Variants in GPC5 observed in about 807,000 individuals in gnomAD.
GPC5 encodes glypican-5.
A neutral mutation model predicts 53.9 loss-of-function variants in GPC5; 47 were observed. The ratio of observed to expected loss-of-function variants is 0.87; its 90% CI spans 0.69 to 1.11. The LOEUF is 1.11. Among genes scored for constraint, GPC5 ranks in the 50% most tolerant of loss-of-function variants. The pLI is 0.00. For synonymous variants in GPC5, 286 were observed against 263.3 expected (o/e 1.09, Z -0.84); for missense variants, 748 against 713.1 (o/e 1.05, Z -0.56).
At position 92,282,886 on chromosome 13, in the gene GPC5, A is replaced by G. The variant is rs1001167987; in HGVS notation, c.1561+137897A>G. Among the ~76,000 whole-genome samples the G allele has an allele frequency of 1.1e-4, 17 of 152,340 alleles. No homozygotes were observed. The East Asian group carries it at 1.5e-3, about 14-fold the overall frequency. ...CATAATGACAGGATCAAATTCACAC[A>G]TAACAATATTAACCTCAAATGTAAA... On this transcript the variant is annotated intron_variant, in intron 7 of 7. Transcript: ENST00000377067.
chr13:91,938,375 CT>C (rs1223137719), intron 6 of GPC5, among the ~76,000 whole-genome samples: 1 of 152,136 alleles, frequency 6.6e-6, no homozygotes, highest in East Asian at 1.9e-4. Flanking sequence ...TGAGAACTCA[CT>C]CATTACCACA....
chr13:92,791,434 C>T (rs1273817121), intron 7 of GPC5, among the ~76,000 whole-genome samples: 7 of 103,136 alleles, frequency 6.8e-5, no homozygotes, highest in South Asian at 3.2e-4. Context: ...TGGGGGGGGG[C>T]GGGGGAGTGG....
At chr13:92,546,632 A>G (rs1882125103) in intron 7 of GPC5, among the ~76,000 whole-genome samples, 1 of 152,162 alleles carries the variant, frequency 6.6e-6, no homozygotes, top group South Asian at 2.1e-4. Context: ...CCATCAAATT[A>G]CCAATGACTT....
At chr13:92,622,641 T>C (rs1884912561) in intron 7 of GPC5, among the ~76,000 whole-genome samples, 1 of 152,034 alleles carries the variant, frequency 6.6e-6, no homozygotes, top group Admixed American at 6.6e-5. Context: ...TCAGCTCCAC[T>C]GTAGTCTTGA....
intron 5 of GPC5, among the ~76,000 whole-genome samples, chr13:91,787,520 T>A (rs1476232614): frequency 6.6e-6 from 1 of 152,180 alleles, no homozygotes; most frequent in African/African-American, 2.4e-5. Flanking sequence ...CACCACTTGA[T>A]TTTGATATCA....
intron 7 of GPC5, among the ~76,000 whole-genome samples, chr13:92,511,975 G>T (rs961652955): frequency 2.0e-5 from 3 of 151,974 alleles, no homozygotes; most frequent in Non-Finnish European, 4.4e-5. Context: ...GTGAAGTTCT[G>T]GGTGTCCCGA....
At chr13:91,648,766 G>A (rs1438790450) in intron 2 of GPC5, among the ~76,000 whole-genome samples, 1 of 152,060 alleles carries the variant, frequency 6.6e-6, no homozygotes, top group Non-Finnish European at 1.5e-5. Context: ...TAAATTTATT[G>A]AGCATCTTTC....
intron 7 of GPC5, among the ~76,000 whole-genome samples, chr13:92,708,130 T>G (rs1445430974): frequency 6.6e-6 from 1 of 152,156 alleles, no homozygotes; most frequent in Non-Finnish European, 1.5e-5. Flanking sequence ...AGAAACATAT[T>G]CTCATGGTTG....
chr13:91,765,300 C>T (rs1056930209), intron 5 of GPC5, among the ~76,000 whole-genome samples: 1 of 152,242 alleles, frequency 6.6e-6, no homozygotes, highest in African/African-American at 2.4e-5. Flanking sequence ...AACAAGTTCC[C>T]TGCTTTGTTC....
chr13:91,510,804 C>T (rs1594188265), intron 2 of GPC5, among the ~76,000 whole-genome samples: 1 of 151,824 alleles, frequency 6.6e-6, no homozygotes, highest in African/African-American at 2.4e-5. Context: ...TTTGTTGCTA[C>T]TTTTGAGGAA....
intron 7 of GPC5, among the ~76,000 whole-genome samples, chr13:92,236,846 ATT>A (rs71120077): frequency 1.3e-5 from 2 of 149,704 alleles, no homozygotes; most frequent in African/African-American, 4.9e-5. Flanking sequence ...ATTTATCAGC[ATT>A]TTTTTTTTGT....
At chr13:92,821,131 T>C (rs1383929656) in intron 7 of GPC5, among the ~76,000 whole-genome samples, 1 of 152,184 alleles carries the variant, frequency 6.6e-6, no homozygotes, top group Admixed American at 6.6e-5. Flanking sequence ...AAAGCATTTG[T>C]ATTTGGAGTC....
chr13:92,546,536 G>A (rs535854563), intron 7 of GPC5, among the ~76,000 whole-genome samples: 1 of 152,212 alleles, frequency 6.6e-6, no homozygotes, highest in East Asian at 1.9e-4. Context: ...ACAAATGGAA[G>A]ACCATTCCAT....
At chr13:92,232,933 G>T (rs531631327) in intron 7 of GPC5, among the ~76,000 whole-genome samples, 1 of 152,164 alleles carries the variant, frequency 6.6e-6, no homozygotes. Context: ...TTGACCCAAA[G>T]AACTTCTTAG....
intron 6 of GPC5, among the ~76,000 whole-genome samples, chr13:92,134,930 C>T (rs1388743945): frequency 6.6e-6 from 1 of 152,020 alleles, no homozygotes; most frequent in Non-Finnish European, 1.5e-5. Context: ...TAGTATAATT[C>T]TTATGCATCA....
chr13:92,142,338 A>G (rs1332614484), intron 6 of GPC5, among the ~76,000 whole-genome samples: 1 of 152,188 alleles, frequency 6.6e-6, no homozygotes, highest in Non-Finnish European at 1.5e-5. Context: ...GGCACGACTG[A>G]CATCATATTC....
chr13:91,577,712 G>C (rs141855212), intron 2 of GPC5, among the ~76,000 whole-genome samples: 42 of 152,230 alleles, frequency 2.8e-4, no homozygotes, highest in South Asian at 1.0e-3. Context: ...CTAAACGTTT[G>C]TTACTATGGA....
chr13:92,505,513 G>A (rs2035648447), intron 7 of GPC5, among the ~76,000 whole-genome samples: 2 of 152,024 alleles, frequency 1.3e-5, no homozygotes, highest in South Asian at 4.1e-4. Context: ...ATTGCATTGG[G>A]AAATGAAAAT....
intron 3 of GPC5, among the ~76,000 whole-genome samples, chr13:91,711,525 G>A (rs2036226433): frequency 6.6e-6 from 1 of 152,152 alleles, no homozygotes; most frequent in Admixed American, 6.5e-5. Context: ...AATGGGCACA[G>A]CAAACCAACA....
Sources: gnomAD v4.1 joint callset for allele counts (sites outside exome capture counted in the v4.1 genomes callset) on GRCh38, gnomAD v4.1.1 for gene constraint, MANE v1.5 for transcripts, NCBI Gene and HGNC (gene_info 2026-07-23, HGNC 2026-07-21) for gene names.